Variants in SLC4A10 observed in about 807,000 individuals in gnomAD.
The protein encoded by SLC4A10 is sodium-driven chloride bicarbonate exchanger.
In SLC4A10, 42 loss-of-function variants were observed where a neutral mutation model predicts 137.7. The ratio of observed to expected loss-of-function variants is 0.30; its 90% CI spans 0.24 to 0.39. SLC4A10 has a LOEUF of 0.39. Among genes scored for constraint, SLC4A10 ranks in the 10% least tolerant of loss-of-function variants. SLC4A10 has a pLI of 1.00. For missense variants in SLC4A10, 925 were observed against 1,355.0 expected, an observed-to-expected ratio of 0.68 and a Z score of 4.98; for synonymous variants, 474 against 464.1, an observed-to-expected ratio of 1.02 and a Z score of -0.27.
intron 1 of SLC4A10, among the ~76,000 whole-genome samples, chr2:161,734,439 C>T (rs2047121901): frequency 6.6e-6 from 1 of 152,040 alleles, no homozygotes; most frequent in Non-Finnish European, 1.5e-5. Flanking sequence ...TAAGAAGTGC[C>T]TTTTACTTCT....
intron 3 of SLC4A10, among the ~76,000 whole-genome samples, chr2:161,837,544 A>G (rs943906209): frequency 1.3e-5 from 2 of 152,202 alleles, no homozygotes; most frequent in African/African-American, 2.4e-5. Context: ...ATTTAGTGCA[A>G]TATCAATCAA....
chr2:161,708,006 T>G (rs2043874491), intron 1 of SLC4A10, among the ~76,000 whole-genome samples: 1 of 151,146 alleles, frequency 6.6e-6, no homozygotes, highest in Admixed American at 6.6e-5. Context: ...CAATTTTGCT[T>G]GGTAAATCTT....
rs574415418 is a variant in SLC4A10 at position 161,907,116 on chromosome 2, G to A, written c.1997+1229G>A. 1.1e-3 allele frequency among the ~76,000 whole-genome samples: 163 copies of A among 149,994 alleles called. 2 individuals are homozygous for A. Among genetic ancestry groups the A allele is most frequent in the African/African-American group, 3.9e-3 (159 of 40,910 alleles). On this transcript the variant is annotated intron_variant, in intron 15 of 26. Coordinates refer to ENST00000446997, the MANE Select transcript of SLC4A10 (RefSeq NM_001178015.2). ...AATGATATTATGTTGAAAATAATGT[G>A]AGTTTTAGTACTTTCACTTTTATAT...
At chr2:161,959,095 A>T (rs1290375473) in intron 21 of SLC4A10, among the ~76,000 whole-genome samples, 1 of 152,214 alleles carries the variant, frequency 6.6e-6, no homozygotes, top group Non-Finnish European at 1.5e-5. Flanking sequence ...GAAACTATTG[A>T]CCATAGGTTT....
chr2:161,791,440 GA>G (rs1280716459), intron 2 of SLC4A10, among the ~76,000 whole-genome samples: 1 of 152,148 alleles, frequency 6.6e-6, no homozygotes, highest in Non-Finnish European at 1.5e-5. Flanking sequence ...CACATGAGAG[GA>G]AACAACACAC....
At chr2:161,900,860 A>C in intron 11 of SLC4A10, 51 bp from the exon 12 acceptor site, 1 of 1,256,774 alleles carries the variant, frequency 8.0e-7, no homozygotes, top group Non-Finnish European at 1.1e-6. Flanking sequence ...TTTACAATTA[A>C]CACCTGAAAT....
intron 1 of SLC4A10, among the ~76,000 whole-genome samples, chr2:161,699,573 G>T (rs564535169): frequency 2.8e-4 from 42 of 152,290 alleles, no homozygotes; most frequent in African/African-American, 1.0e-3. Flanking sequence ...ATATGAAAGT[G>T]AATCATACAT....
chr2:161,699,621 A>G (rs546653044), intron 1 of SLC4A10, among the ~76,000 whole-genome samples: 1 of 152,344 alleles, frequency 6.6e-6, no homozygotes, highest in South Asian at 2.1e-4. Flanking sequence ...TGTAAATGAA[A>G]GACAAGATTA....
chr2:161,893,840 G>C (rs779176935), intron 10 of SLC4A10, among the ~76,000 whole-genome samples: 16 of 151,820 alleles, frequency 1.1e-4, no homozygotes, highest in Admixed American at 7.9e-4. Flanking sequence ...ATCTAGAAAT[G>C]ATTTAAAGTA....
rs750599693 is a variant in SLC4A10 at position 161,831,433 on chromosome 2, AT to A, written c.278-8347del. 3.2e-3 allele frequency among the ~76,000 whole-genome samples: 487 copies of A among 151,456 alleles called. 2 individuals carry two copies. The highest frequency in any genetic ancestry group is 0.01 in the African/African-American group (433 of 41,338). On this transcript the variant is annotated intron_variant, in intron 3 of 26. Transcript: ENST00000446997. ...TTATTGAACTAACATTGAATTCATG[AT>A]TTTTTTTTATGACTAAGGCTTCCTC...
chr2:161,632,376 A>G (rs2033706424), intron 1 of SLC4A10, among the ~76,000 whole-genome samples: 1 of 151,520 alleles, frequency 6.6e-6, no homozygotes, highest in Admixed American at 6.6e-5. Context: ...AATGCTTCTG[A>G]TTTTCTCAGA....
intron 1 of SLC4A10, among the ~76,000 whole-genome samples, chr2:161,675,408 G>A (rs925073665): frequency 1.3e-5 from 2 of 152,096 alleles, no homozygotes; most frequent in South Asian, 2.1e-4. Flanking sequence ...GGTTTCCTAC[G>A]ATCCATGTCT....
chr2:161,969,177 G>C (rs913956461), intron 23 of SLC4A10, among the ~76,000 whole-genome samples: 1 of 151,998 alleles, frequency 6.6e-6, no homozygotes, highest in Non-Finnish European at 1.5e-5. Context: ...TAGCCTCCAG[G>C]GTTTTCCTAT....
chr2:161,706,641 C>G (rs13014399), intron 1 of SLC4A10, among the ~76,000 whole-genome samples: 122,100 of 151,402 alleles, frequency 0.81, 49,568 homozygotes, highest in Middle Eastern at 0.87. Flanking sequence ...CTGACAGTTT[C>G]TCATTTCCCT....
intron 15 of SLC4A10, among the ~76,000 whole-genome samples, chr2:161,939,087 T>C (rs1036476194): frequency 6.6e-6 from 1 of 152,182 alleles, no homozygotes; most frequent in African/African-American, 2.4e-5. Flanking sequence ...ATTTTTATTT[T>C]ATTTTATTGA....
intron 3 of SLC4A10, among the ~76,000 whole-genome samples, chr2:161,836,895 G>A (rs1196756614): frequency 6.6e-6 from 1 of 152,190 alleles, no homozygotes; most frequent in Non-Finnish European, 1.5e-5. Flanking sequence ...AAAAGGAAAT[G>A]GAACAGCATT....
At chr2:161,891,736 A>G (rs1002139003) in intron 10 of SLC4A10, among the ~76,000 whole-genome samples, 4 of 152,032 alleles carry the variant, frequency 2.6e-5, no homozygotes, top group Non-Finnish European at 5.9e-5. Flanking sequence ...GCATTGGGTT[A>G]GAACATGCTC....
At position 161,828,659 on chromosome 2, in the gene SLC4A10, C is replaced by T. The variant is rs1481538533; in HGVS notation, c.278-11130C>T. On this transcript the variant is annotated intron_variant, in intron 3 of 26. Coordinates refer to ENST00000446997, the MANE Select transcript of SLC4A10 (RefSeq NM_001178015.2). ...GCTTTTCTTCTCTCTGGTATTTTTT[C>T]ATCCTTGTTTGATTCAGACAACCTG... 2.7e-5 allele frequency among the ~76,000 whole-genome samples: 4 copies of T among 145,536 alleles called. No homozygotes were observed. The East Asian group carries it at 6.0e-4, about 22-fold the overall frequency.
chr2:161,965,023 C>T, intron 22 of SLC4A10, 28 bp from the exon 23 acceptor site: 1 of 1,594,476 alleles, frequency 6.3e-7, no homozygotes, highest in Non-Finnish European at 8.5e-7. Context: ...TTTTTTTCCA[C>T]TTTAAACTAG....
Sources: allele counts gnomAD v4.1 joint callset (sites outside exome capture counted in the v4.1 genomes callset), GRCh38; gene constraint gnomAD v4.1.1; transcripts MANE v1.5; gene names NCBI Gene and HGNC (gene_info 2026-07-23, HGNC 2026-07-21).